Variants in NREP observed in about 807,000 individuals in gnomAD.
The protein encoded by NREP is neuronal regeneration related protein.
A neutral mutation model predicts 8.6 loss-of-function variants in NREP; 5 were observed. That is an observed-to-expected ratio of 0.58 (90% CI 0.30 to 1.22). The LOEUF is 1.22. NREP is among the 50% of genes most tolerant of loss of function. NREP has a pLI of 0.07. For missense variants in NREP, 86 were observed against 82.5 expected, an observed-to-expected ratio of 1.04 and a Z score of -0.17; for synonymous variants, 27 against 28.0, an observed-to-expected ratio of 0.96 and a Z score of 0.11.
chr5:111,916,924 G>A (rs1411824742), intron 2 of NREP, among the ~76,000 whole-genome samples: 1 of 152,074 alleles, frequency 6.6e-6, no homozygotes, highest in African/African-American at 2.4e-5. Context: ...TTCAGAGCAG[G>A]GATGGAAGTT....
intron 2 of NREP, among the ~76,000 whole-genome samples, chr5:111,912,113 A>G (rs900473946): frequency 2.6e-5 from 4 of 152,128 alleles, no homozygotes; most frequent in Non-Finnish European, 5.9e-5. Flanking sequence ...TAATATTTAA[A>G]TTAGAGCATT....
Position 111,797,750 on chromosome 5 carries a change from C to T in NREP, c.136-62243G>A, listed in dbSNP as rs569104893. 1.1e-4 allele frequency among the ~76,000 whole-genome samples: 17 copies of T among 152,232 alleles called. No homozygotes were observed. The South Asian group carries it at 3.5e-3, about 32-fold the overall frequency. Reference sequence around the variant, plus strand: ...GGCCTCAATGAGTCAGAATAGCCTTCCAACCATTAAGGCCCTGATGAGGAT... The same window carrying T: ...GGCCTCAATGAGTCAGAATAGCCTTTCAACCATTAAGGCCCTGATGAGGAT... On this transcript the variant is annotated intron_variant, in intron 2 of 3. Coordinates refer to the NREP transcript ENST00000395634.
intron 2 of NREP, among the ~76,000 whole-genome samples, chr5:111,934,062 C>T (rs1458331622): frequency 6.6e-6 from 1 of 151,998 alleles, no homozygotes; most frequent in Non-Finnish European, 1.5e-5. Flanking sequence ...TAAAGGGGGA[C>T]TTTGCACAAA....
intron 2 of NREP, among the ~76,000 whole-genome samples, chr5:111,745,313 A>G (rs1294674484): frequency 1.3e-5 from 2 of 152,216 alleles, no homozygotes; most frequent in Non-Finnish European, 2.9e-5. Flanking sequence ...GTGTTGCTAC[A>G]GTCCTGGAGG....
At chr5:111,753,889 TAA>T (rs914008626) in intron 2 of NREP, among the ~76,000 whole-genome samples, 1 of 143,072 alleles carries the variant, frequency 7.0e-6, no homozygotes. Context: ...TATCACTTCT[TAA>T]AAAAAAAAAA....
intron 2 of NREP, among the ~76,000 whole-genome samples, chr5:111,895,706 G>GT (rs1754494213): frequency 1.3e-5 from 2 of 152,126 alleles, no homozygotes; most frequent in South Asian, 4.1e-4. Context: ...CCTGTATCTT[G>GT]TAAGATATTT....
intron 2 of NREP, among the ~76,000 whole-genome samples, chr5:111,849,553 G>A (rs1436096366): frequency 6.6e-6 from 1 of 152,148 alleles, no homozygotes; most frequent in Non-Finnish European, 1.5e-5. Context: ...TGAATTGGAA[G>A]ACAGCAAGAT....
At chr5:111,962,062 G>A (rs1033007677) in intron 2 of NREP, among the ~76,000 whole-genome samples, 4 of 152,128 alleles carry the variant, frequency 2.6e-5, no homozygotes, top group East Asian at 1.9e-4. Context: ...GGCAGGATTC[G>A]TGCTCTAGCA....
intron 2 of NREP, among the ~76,000 whole-genome samples, chr5:111,817,666 G>A (rs578104722): frequency 1.2e-4 from 18 of 151,314 alleles, no homozygotes; most frequent in South Asian, 2.1e-4. Flanking sequence ...TTAGCCGGGC[G>A]TAGTGGCGGG....
At chr5:111,751,218 G>A (rs909069691) in intron 2 of NREP, among the ~76,000 whole-genome samples, 1 of 152,176 alleles carries the variant, frequency 6.6e-6, no homozygotes, top group Non-Finnish European at 1.5e-5. Context: ...AGCAAGGAAA[G>A]AAATGCATAT....
At chr5:111,888,224 ATT>A (rs1267523696) in intron 2 of NREP, among the ~76,000 whole-genome samples, 1 of 152,150 alleles carries the variant, frequency 6.6e-6, no homozygotes, top group Non-Finnish European at 1.5e-5. Flanking sequence ...AAGATGCAAT[ATT>A]TTATTTTAGT....
intron 2 of NREP, among the ~76,000 whole-genome samples, chr5:111,765,664 C>T (rs4957975): frequency 0.36 from 54,123 of 152,136 alleles, 9,929 homozygotes; most frequent in Admixed American, 0.41. Context: ...CCGTCATGCT[C>T]ACCTTCGTTG....
chr5:111,920,461 G>T (rs1309037446), intron 2 of NREP, among the ~76,000 whole-genome samples: 1 of 152,018 alleles, frequency 6.6e-6, no homozygotes, highest in Non-Finnish European at 1.5e-5. Flanking sequence ...CTGCCTCATT[G>T]TCTGAGGTGT....
At chr5:111,952,247 G>A (rs664517) in intron 2 of NREP, among the ~76,000 whole-genome samples, 130,531 of 152,048 alleles carry the variant, frequency 0.86, 57,071 homozygotes, top group South Asian at 0.93. Context: ...CCTAAGAGCC[G>A]TCTCTACCAT....
At chr5:111,833,939 T>G (rs1372994649) in intron 2 of NREP, among the ~76,000 whole-genome samples, 1 of 152,206 alleles carries the variant, frequency 6.6e-6, no homozygotes, top group African/African-American at 2.4e-5. Flanking sequence ...GCAAACAGTC[T>G]TGGAAGATAG....
rs143593212 is a variant in NREP, at chr5:111,964,179, T to C, written c.135+11095A>G. On this transcript the variant is annotated intron_variant, in intron 2 of 3. Transcript: ENST00000395634. ...ACTTATTCCCCAAGAATGTATTTTC[T>C]AATTTTTGCTTATTAAATAGAATCA... Among the ~76,000 whole-genome samples the C allele has an allele frequency of 4.6e-3, 696 of 152,370 alleles. 7 individuals are homozygous for C. The highest frequency in any genetic ancestry group is 0.016 in the African/African-American group (665 of 41,586).
chr5:111,736,768 A>C (rs534356643), intron 2 of NREP, among the ~76,000 whole-genome samples: 31 of 152,190 alleles, frequency 2.0e-4, no homozygotes, highest in Non-Finnish European at 4.1e-4. Context: ...ATTTGTCCTG[A>C]TGATAAGCCA....
At chr5:111,832,028 T>C in intron 2 of NREP, among the ~76,000 whole-genome samples, 1 of 152,120 alleles carries the variant, frequency 6.6e-6, no homozygotes, top group East Asian at 1.9e-4. Flanking sequence ...TCTGGATGTA[T>C]TGGAACCTTC....
chr5:111,756,326 G>A, intron 1 of NREP: 1 of 732,458 alleles, frequency 1.4e-6, no homozygotes, highest in Non-Finnish European at 1.7e-6. Flanking sequence ...TACACGGCGG[G>A]GGGGGTGGGG....
Sources: gnomAD v4.1 joint callset for allele counts (sites outside exome capture counted in the v4.1 genomes callset) on GRCh38, gnomAD v4.1.1 for gene constraint, MANE v1.5 for transcripts, NCBI Gene and HGNC (gene_info 2026-07-23, HGNC 2026-07-21) for gene names.